Variants in R3HDM1 observed in about 807,000 individuals in gnomAD.
R3HDM1 encodes the protein R3H domain containing 1.
R3HDM1 carries 46 observed loss-of-function variants against 141.1 expected under a neutral mutation model. That is an observed-to-expected ratio of 0.33 (90% CI 0.26 to 0.42). The LOEUF (loss-of-function observed/expected upper bound fraction) is 0.42. Ranked by LOEUF, R3HDM1 falls within the 10% of genes least tolerant of loss-of-function variation. The probability of loss-of-function intolerance (pLI) is 1.00; values close to 1 mark genes in which losing one functional copy is unlikely to be tolerated. For missense variants in R3HDM1, 1,184 were observed against 1,368.3 expected (o/e 0.87, Z 2.12); for synonymous variants, 435 against 472.9 (o/e 0.92, Z 1.04).
At chr2:135,703,282 T>TA (rs1204116873) in intron 21 of R3HDM1, among the ~76,000 whole-genome samples, 1 of 152,198 alleles carries the variant, frequency 6.6e-6, no homozygotes, top group Non-Finnish European at 1.5e-5. Flanking sequence ...AAATGGGAAA[T>TA]AATCCTCTTT....
intron 4 of R3HDM1, 60 bp downstream of exon 4, chr2:135,616,253 C>G: frequency 1.3e-6 from 2 of 1,486,768 alleles, no homozygotes; most frequent in African/African-American, 1.4e-5. Flanking sequence ...CTTGATGAAT[C>G]CTTGTTTTCA....
At chr2:135,565,374 A>G (rs1455261834) in intron 1 of R3HDM1, among the ~76,000 whole-genome samples, 1 of 148,734 alleles carries the variant, frequency 6.7e-6, no homozygotes, top group East Asian at 1.9e-4. Flanking sequence ...TTTTAAATTT[A>G]AGAGACAAGA....
At chr2:135,544,788 C>T (rs969980498) in intron 1 of R3HDM1, among the ~76,000 whole-genome samples, 1 of 152,064 alleles carries the variant, frequency 6.6e-6, no homozygotes, top group African/African-American at 2.4e-5. Flanking sequence ...TGGCGAAACC[C>T]TCATCTCTAC....
chr2:135,555,467 G>T (rs1700574481), intron 1 of R3HDM1, among the ~76,000 whole-genome samples: 1 of 152,034 alleles, frequency 6.6e-6, no homozygotes, highest in Non-Finnish European at 1.5e-5. Flanking sequence ...GAGTGTAAAG[G>T]GTGTGGTCAT....
intron 3 of R3HDM1, among the ~76,000 whole-genome samples, chr2:135,607,465 A>AT (rs1015309335): frequency 2.6e-5 from 4 of 152,148 alleles, no homozygotes; most frequent in Non-Finnish European, 4.4e-5. Context: ...GAGAAATAAC[A>AT]TTTTTTTCCC....
intron 1 of R3HDM1, among the ~76,000 whole-genome samples, chr2:135,579,180 C>T (rs1017933704): frequency 6.6e-6 from 1 of 152,082 alleles, no homozygotes; most frequent in African/African-American, 2.4e-5. Context: ...TGGAACATCA[C>T]GTGGCGCCAG....
intron 21 of R3HDM1, among the ~76,000 whole-genome samples, chr2:135,687,136 A>T (rs985294448): frequency 1.3e-5 from 2 of 152,234 alleles, no homozygotes; most frequent in African/African-American, 4.8e-5. Flanking sequence ...CAGAGGTTGC[A>T]GTGAGCCGAG....
intron 19 of R3HDM1, among the ~76,000 whole-genome samples, chr2:135,671,919 T>G (rs1319145860): frequency 6.6e-6 from 1 of 151,262 alleles, no homozygotes; most frequent in East Asian, 2.0e-4. Context: ...GAGGTTGCGG[T>G]GAGCCAAGAT....
chr2:135,640,183 G>C (rs1189962571), intron 14 of R3HDM1, among the ~76,000 whole-genome samples: 1 of 152,026 alleles, frequency 6.6e-6, no homozygotes. Flanking sequence ...GTACACGTAA[G>C]AATTGAAGGA....
At chr2:135,576,137 T>A (rs1040797680) in intron 1 of R3HDM1, among the ~76,000 whole-genome samples, 1 of 152,040 alleles carries the variant, frequency 6.6e-6, no homozygotes, top group African/African-American at 2.4e-5. Flanking sequence ...GTGGCTCACA[T>A]CTGTAATCCT....
intron 23 of R3HDM1, among the ~76,000 whole-genome samples, chr2:135,711,788 G>A (rs1164656060): frequency 3.3e-5 from 5 of 151,586 alleles, no homozygotes; most frequent in Non-Finnish European, 7.4e-5. Context: ...GAGAAACCCC[G>A]TCTCTACTAA....
intron 2 of R3HDM1, among the ~76,000 whole-genome samples, chr2:135,603,152 G>A (rs867593330): frequency 1.3e-5 from 2 of 152,050 alleles, no homozygotes; most frequent in South Asian, 4.2e-4. Flanking sequence ...ACCATGCCCA[G>A]CTAATTTTTG....
intron 1 of R3HDM1, among the ~76,000 whole-genome samples, chr2:135,579,402 A>T (rs1706235250): frequency 6.6e-6 from 1 of 152,216 alleles, no homozygotes; most frequent in South Asian, 2.1e-4. Context: ...ATGGAATTCC[A>T]ATTAGCATAG....
At chr2:135,644,878 T>C (rs1189572509) in intron 15 of R3HDM1, among the ~76,000 whole-genome samples, 2 of 152,066 alleles carry the variant, frequency 1.3e-5, no homozygotes, top group Non-Finnish European at 2.9e-5. Flanking sequence ...GGTCAGGAGT[T>C]CAAGACCAGC....
intron 15 of R3HDM1, among the ~76,000 whole-genome samples, chr2:135,645,069 G>A (rs554204953): frequency 5.9e-5 from 9 of 152,288 alleles, no homozygotes; most frequent in African/African-American, 2.2e-4. Context: ...GCAACAGAGT[G>A]AGACTCCGTC....
At chr2:135,611,764 A>G (rs943081189) in intron 3 of R3HDM1, among the ~76,000 whole-genome samples, 3 of 152,102 alleles carry the variant, frequency 2.0e-5, no homozygotes, top group Non-Finnish European at 4.4e-5. Context: ...TTTCTACTGA[A>G]CTTGGGTCAT....
intron 21 of R3HDM1, among the ~76,000 whole-genome samples, chr2:135,695,029 T>A (rs2073029103): frequency 6.6e-6 from 1 of 152,216 alleles, no homozygotes; most frequent in Non-Finnish European, 1.5e-5. Flanking sequence ...AAGGCTGCTC[T>A]GTTTGGCTCT....
intron 6 of R3HDM1, chr2:135,622,375 T>G (rs1349564230): frequency 1.0e-6 from 1 of 984,188 alleles, no homozygotes; most frequent in East Asian, 1.1e-4. Flanking sequence ...AAAGGATCTT[T>G]AAAGAATTTA....
At chr2:135,677,956 C>T (rs2254780) in intron 20 of R3HDM1, among the ~76,000 whole-genome samples, 38,133 of 151,540 alleles carry the variant, frequency 0.25, 5,873 homozygotes, top group East Asian at 0.65. Flanking sequence ...TCTCCCCCTC[C>T]CTCCCTCCTT....
Sources: allele counts gnomAD v4.1 joint callset (sites outside exome capture counted in the v4.1 genomes callset), GRCh38; gene constraint gnomAD v4.1.1; transcripts MANE v1.5; gene names NCBI Gene and HGNC (gene_info 2026-07-23, HGNC 2026-07-21).